B9D2: variants seen among roughly 807,000 people sequenced by gnomAD.
The protein encoded by B9D2 is B9 domain-containing protein 2.
A neutral mutation model predicts 19.2 loss-of-function variants in B9D2; 21 were observed. The ratio of observed to expected loss-of-function variants is 1.09; its 90% CI spans 0.78 to 1.58. The LOEUF (loss-of-function observed/expected upper bound fraction) is 1.58, where lower values mean the gene tolerates loss of function less well. Ranked by LOEUF, B9D2 falls within the 40% of genes most tolerant of loss-of-function variation. The probability of loss-of-function intolerance (pLI) is 0.00; values close to 1 mark genes in which losing one functional copy is unlikely to be tolerated. For synonymous variants in B9D2, 91 were observed against 100.6 expected (o/e 0.90, Z 0.57); for missense variants, 221 against 244.3 (o/e 0.90, Z 0.64).
intron 1 of B9D2, 73 bp downstream of exon 1, chr19:41,363,885 A>G (rs1401861874): frequency 2.0e-6 from 1 of 493,622 alleles, no homozygotes; most frequent in Non-Finnish European, 3.7e-6. Flanking sequence ...AGCAAGCTCC[A>G]TAAGGCGCAT....
chr19:41,356,641 C>G (rs1446869985), intron 3 of B9D2, among the ~76,000 whole-genome samples: 1 of 151,324 alleles, frequency 6.6e-6, no homozygotes, highest in Non-Finnish European at 1.5e-5. Context: ...GTCAGGAGTT[C>G]GAGACCAGCC....
At chr19:41,355,055 G>C (rs1352326812) in intron 3 of B9D2, 42 bp from the exon 4 acceptor site, 4 of 1,488,782 alleles carry the variant, frequency 2.7e-6, no homozygotes, top group South Asian at 1.3e-5. Flanking sequence ...GATGGGTGGG[G>C]ACCAGACTCC....
rs1305101800 is a variant in B9D2, at chr19:41,354,750, C to T, written c.478G>A (p.Glu160Lys). ...HTAAGGTVHL[E>K]IGLLLRNFDR... is the part of the protein sequence containing the mutation. ...AAGTTGCGGAGCAGCAGGCCGATCTCCAGGTGCACGGTGCCACCAGCAGCT... is the reference window on the plus strand; with the variant it reads ...AAGTTGCGGAGCAGCAGGCCGATCTTCAGGTGCACGGTGCCACCAGCAGCT... The change falls in exon 4 of 4, where the codon GAG becomes AAG. Residue 160 changes from glutamate (E) to lysine (K), a missense_variant. Transcript: ENST00000243578. The T allele has an allele frequency of 6.2e-7, 1 of 1,613,924 alleles. No individual in the cohort carries two copies. Among genetic ancestry groups the T allele is most frequent in the Non-Finnish European group, 8.5e-7 (1 of 1,180,052 alleles).
At chr19:41,363,892 G>T (rs940218996) in intron 1 of B9D2, 66 bp downstream of exon 1, 9 of 481,258 alleles carry the variant, frequency 1.9e-5, no homozygotes, top group Admixed American at 3.5e-5. Context: ...TCCATAAGGC[G>T]CATGCGTTAT....
rs1050929719 is a variant in B9D2 at position 41,357,806 on chromosome 19, G to A, written c.214+91C>T. On this transcript the variant is annotated intron_variant, in intron 3 of 3. Transcript: ENST00000243578. ...GGGACCTACGTGGTATGGGGAGCAG[G>A]GACAGGTCTTGGTGTTCCCAGCCCC... 4.5e-6 allele frequency: 7 copies of A among 1,562,996 alleles called. No homozygotes were observed. In the African/African-American group the frequency reaches 6.8e-5, roughly 15 times the overall value.
chr19:41,354,578 CATG>C lies in B9D2; in HGVS notation c.*119_*121del. On this transcript the variant is annotated 3_prime_UTR_variant, in exon 4 of 4. Coordinates refer to ENST00000243578, the MANE Select transcript of B9D2 (RefSeq NM_030578.4). ...GTCCTAGAAAGGACAGAAGCGGTGC[CATG>C]CCTTAGCTGGGGTCAGCTCTGACAG... The C allele has an allele frequency of 7.6e-7, 1 of 1,320,514 alleles. No individual in the cohort carries two copies. Among genetic ancestry groups the C allele is most frequent in the Middle Eastern group, 2.2e-4 (1 of 4,640 alleles). The allele number at this position is 1,320,514 out of a possible 1,614,324, so 81.8% of individuals were successfully genotyped here.
intron 2 of B9D2, among the ~76,000 whole-genome samples, chr19:41,362,028 C>T (rs1235111930): frequency 1.1e-5 from 1 of 90,368 alleles, no homozygotes; most frequent in South Asian, 4.5e-4. Flanking sequence ...TGCAGTGAGC[C>T]GAGATCGTGC....
At chr19:41,359,965 G>A (rs1244499149) in intron 2 of B9D2, among the ~76,000 whole-genome samples, 1 of 151,938 alleles carries the variant, frequency 6.6e-6, no homozygotes, top group Non-Finnish European at 1.5e-5. Flanking sequence ...CCACCTCAGG[G>A]CCTTTGCACT....
In B9D2 at chr19:41,354,657, G is replaced by A; in HGVS notation, c.*43C>T. The A allele has an allele frequency of 6.2e-7, 1 of 1,608,972 alleles. No individual in the cohort carries two copies. The highest frequency in any genetic ancestry group is 8.5e-7 in the Non-Finnish European group (1 of 1,175,624). ...CTGTGCCATCCTCCCCCATCACTGG[G>A]TGTCCGGGGTGTGGATGGTGGTGAC... On this transcript the variant is annotated 3_prime_UTR_variant, in exon 4 of 4. Transcript: ENST00000243578.
chr19:41,363,057 C>A, intron 2 of B9D2: 1 of 269,070 alleles, frequency 3.7e-6, no homozygotes, highest in Non-Finnish European at 7.4e-6. Flanking sequence ...CCAGCCTGGG[C>A]AACATAGCGA....
intron 2 of B9D2, chr19:41,363,189 T>G: frequency 1.8e-6 from 1 of 552,010 alleles, no homozygotes; most frequent in South Asian, 2.0e-5. Flanking sequence ...GAGGCTGCAC[T>G]GAGCTATGAT....
chr19:41,360,403 C>G (rs2038385303), intron 2 of B9D2, among the ~76,000 whole-genome samples: 1 of 152,194 alleles, frequency 6.6e-6, no homozygotes, highest in Non-Finnish European at 1.5e-5. Context: ...TCTCAAACTC[C>G]TGGGCTCAAG....
chr19:41,362,569 CTATTCT>C (rs2038428086), intron 2 of B9D2, among the ~76,000 whole-genome samples: 1 of 152,112 alleles, frequency 6.6e-6, no homozygotes, highest in Middle Eastern at 3.2e-3. Flanking sequence ...AGCCCTATTC[CTATTCT>C]AAGTGCTGTT....
rs1427601479 is a variant in B9D2, at chr19:41,362,270, G to GTCCC, written c.88+1158_88+1161dup. Among the ~76,000 whole-genome samples, 4 of 148,216 alleles carry GTCCC rather than the reference G, an allele frequency of 2.7e-5. No individual in the cohort carries two copies. In the East Asian group the frequency reaches 7.9e-4, roughly 29 times the overall value. On this transcript the variant is annotated intron_variant, in intron 2 of 3. Coordinates refer to ENST00000243578, the MANE Select transcript of B9D2 (RefSeq NM_030578.4). ...CCGGGCATGGTGGCGAGCGCCTGTA[G>GTCCC]TCCCAGCTATGCAGGAGGCTGAGGC...
chr19:41,362,548 C>T (rs749631809), intron 2 of B9D2, among the ~76,000 whole-genome samples: 3 of 152,144 alleles, frequency 2.0e-5, no homozygotes, highest in African/African-American at 2.4e-5. Context: ...TGAATGAGCA[C>T]TTCCTATTCC....
chr19:41,363,689 CCATGAAAGCCT>C (rs2038453452), intron 1 of B9D2, among the ~76,000 whole-genome samples, 166 bp from the exon 2 acceptor site: 1 of 152,174 alleles, frequency 6.6e-6, no homozygotes, highest in Non-Finnish European at 1.5e-5. Context: ...AATTGCCAAC[CCATGAAAGCCT>C]GGAAAAAATG....
chr19:41,356,936 T>A (rs1311946218), intron 3 of B9D2, among the ~76,000 whole-genome samples: 19 of 152,120 alleles, frequency 1.2e-4, no homozygotes, highest in Admixed American at 1.2e-3. Context: ...CTCCTCAGCC[T>A]GGCACTCAAG....
chr19:41,358,777 A>G lies in B9D2; in HGVS notation c.89-755T>C, dbSNP rs111920997. On this transcript the variant is annotated intron_variant, in intron 2 of 3. Transcript: ENST00000243578. ...TCTCAGCACTTTGGGAGGCCAAGGC[A>G]GGTAGATCCCTTGAGTCCAGGAGTT... Among the ~76,000 whole-genome samples the G allele has an allele frequency of 2.0e-5, 3 of 151,902 alleles. 1 individual carries two copies. Among genetic ancestry groups the G allele is most frequent in the African/African-American group, 7.2e-5 (3 of 41,404 alleles).
In B9D2 at chr19:41,357,973, C is replaced by T; in HGVS notation, c.138G>A (p.Val46=). Residue 46 remains valine (V), a synonymous_variant, in exon 3 of 4, where the codon GTG becomes GTA. Coordinates refer to ENST00000243578, the MANE Select transcript of B9D2 (RefSeq NM_030578.4). ...LSGVREGQTQ[V]DTPQIGDMAY... Reference sequence around the variant, plus strand: ...CCATGTCCCCTATCTGCGGGGTGTCCACTTGCGTTTGGCCCTCCCGCACGC... The same window carrying T: ...CCATGTCCCCTATCTGCGGGGTGTCTACTTGCGTTTGGCCCTCCCGCACGC... 6.2e-7 allele frequency: 1 copy of T among 1,614,126 alleles called. No homozygotes were observed. The highest frequency in any genetic ancestry group is 8.5e-7 in the Non-Finnish European group (1 of 1,180,004).
Sources: allele counts gnomAD v4.1 joint callset (sites outside exome capture counted in the v4.1 genomes callset), GRCh38; gene constraint gnomAD v4.1.1; transcripts MANE v1.5; gene names NCBI Gene and HGNC (gene_info 2026-07-23, HGNC 2026-07-21).